The following TARBP1 variants were observed in gnomAD, a reference collection of about 807,000 sequenced individuals.
TARBP1 encodes the protein tRNA guanosine 2 -O-methyltransferase TARBP1.
In TARBP1, 144 loss-of-function variants were observed where a neutral mutation model predicts 178.6. The observed-to-expected ratio is 0.81, with a 90% confidence interval of 0.70 to 0.93. TARBP1 has a LOEUF of 0.93. Ranked by LOEUF, TARBP1 falls within the 40% of genes least tolerant of loss-of-function variation. The pLI is 0.00. For synonymous variants in TARBP1, 787 were observed against 781.0 expected (o/e 1.01, Z -0.13); for missense variants, 2,067 against 2,011.7 (o/e 1.03, Z -0.53).
At chr1:234,413,607 T>G (rs1360944043) in intron 22 of TARBP1, among the ~76,000 whole-genome samples, 2 of 152,154 alleles carry the variant, frequency 1.3e-5, no homozygotes, top group Non-Finnish European at 2.9e-5. Context: ...GAAAGAGGCC[T>G]AAGATCACGC....
chr1:234,423,745 T>A (rs1055684162), intron 20 of TARBP1, among the ~76,000 whole-genome samples: 1 of 146,922 alleles, frequency 6.8e-6, no homozygotes, highest in African/African-American at 2.5e-5. Context: ...CTCTTTTTTC[T>A]GAATTTTTTT....
intron 26 of TARBP1, among the ~76,000 whole-genome samples, chr1:234,395,615 A>C (rs187391848): frequency 6.6e-6 from 1 of 152,360 alleles, no homozygotes; most frequent in East Asian, 1.9e-4. Context: ...CAAGAGCTTA[A>C]GGAATATCCC....
At chr1:234,466,843 A>G (rs1407433499) in intron 4 of TARBP1, among the ~76,000 whole-genome samples, 1 of 152,170 alleles carries the variant, frequency 6.6e-6, no homozygotes, top group East Asian at 1.9e-4. Flanking sequence ...AGCCTGGGTG[A>G]CAGGCATGAG....
At chr1:234,462,826 C>T (rs1341741405) in intron 6 of TARBP1, among the ~76,000 whole-genome samples, 1 of 152,116 alleles carries the variant, frequency 6.6e-6, no homozygotes, top group Non-Finnish European at 1.5e-5. Context: ...CCATATTTTC[C>T]CTTTTTTCTG....
At chr1:234,401,135 G>A (rs1260658745) in intron 25 of TARBP1, 46 bp downstream of exon 25, 2 of 1,493,426 alleles carry the variant, frequency 1.3e-6, no homozygotes, top group Admixed American at 1.7e-5. Context: ...GAAGCATCAG[G>A]ATTAAAGATA....
At chr1:234,427,797 T>A in intron 17 of TARBP1, 31 bp from the exon 18 acceptor site, 2 of 1,380,798 alleles carry the variant, frequency 1.4e-6, no homozygotes, top group Non-Finnish European at 1.9e-6. Flanking sequence ...CATTTTATCC[T>A]TGATTTAGTT....
Position 234,429,123 on chromosome 1 carries a change from G to C in TARBP1, c.3060+13C>G. On this transcript the variant is annotated intron_variant, in intron 17 of 29. Transcript: ENST00000040877. The stretch of plus-strand genomic sequence containing the variant: ...CATGAAAAGAAAAGCAAAAAGAAAA[G>C]AAAGTTAGTTACCTCTTTTATTTTG... The C allele has an allele frequency of 6.5e-7, 1 of 1,548,502 alleles. No individual in the cohort carries two copies. Among genetic ancestry groups the C allele is most frequent in the Non-Finnish European group, 8.6e-7 (1 of 1,156,376 alleles).
chr1:234,463,413 T>C (rs561252032), intron 6 of TARBP1, among the ~76,000 whole-genome samples: 125 of 152,314 alleles, frequency 8.2e-4, no homozygotes, highest in Non-Finnish European at 1.7e-3. Flanking sequence ...CGGGAGCCAT[T>C]GCACCTGGCT....
At chr1:234,469,270 T>C (rs966142556) in intron 3 of TARBP1, among the ~76,000 whole-genome samples, 14 of 151,938 alleles carry the variant, frequency 9.2e-5, no homozygotes, top group Non-Finnish European at 2.1e-4. Flanking sequence ...AGAAAAATAC[T>C]CAGCATTTTT....
intron 12 of TARBP1, among the ~76,000 whole-genome samples, chr1:234,442,306 G>A (rs1023257006): frequency 3.3e-5 from 5 of 152,110 alleles, no homozygotes; most frequent in African/African-American, 9.7e-5. Context: ...AAGATAAGCT[G>A]CAGACAAAAA....
At chr1:234,461,797 G>C (rs1241445067) in intron 6 of TARBP1, among the ~76,000 whole-genome samples, 1 of 152,104 alleles carries the variant, frequency 6.6e-6, no homozygotes, top group Non-Finnish European at 1.5e-5. Flanking sequence ...AGATACAAAG[G>C]GATAGTGCTT....
At chr1:234,428,844 C>T (rs1664073814) in intron 17 of TARBP1, among the ~76,000 whole-genome samples, 1 of 152,112 alleles carries the variant, frequency 6.6e-6, no homozygotes, top group Admixed American at 6.5e-5. Context: ...CCCCGCCTGG[C>T]CAGATTTCCC....
At chr1:234,410,116 G>A (rs1661647353) in intron 23 of TARBP1, among the ~76,000 whole-genome samples, 1 of 152,092 alleles carries the variant, frequency 6.6e-6, no homozygotes, top group Non-Finnish European at 1.5e-5. Flanking sequence ...AGAAGGTAAG[G>A]GAAGTCCTGT....
chr1:234,469,191 A>G (rs753118716), intron 3 of TARBP1, among the ~76,000 whole-genome samples: 41 of 151,362 alleles, frequency 2.7e-4, no homozygotes, highest in Non-Finnish European at 4.4e-4. Context: ...GCAAATCAAA[A>G]CCATGGAATA....
At chr1:234,460,232 C>T in intron 7 of TARBP1, 29 bp downstream of exon 7, 1 of 1,577,384 alleles carries the variant, frequency 6.3e-7, no homozygotes, top group Non-Finnish European at 8.6e-7. Context: ...GGCAAATAAC[C>T]ATACAAGTAC....
intron 11 of TARBP1, among the ~76,000 whole-genome samples, chr1:234,447,549 C>G (rs572953340): frequency 1.3e-5 from 2 of 151,884 alleles, no homozygotes; most frequent in Non-Finnish European, 2.9e-5. Flanking sequence ...TGTGAGCCAC[C>G]ATGTGCAGGT....
At chr1:234,436,836 C>T (rs890352724) in intron 13 of TARBP1, among the ~76,000 whole-genome samples, 2 of 152,184 alleles carry the variant, frequency 1.3e-5, no homozygotes, top group African/African-American at 4.8e-5. Context: ...GAGAAGACAG[C>T]TACAGTCACA....
At chr1:234,475,502 G>A (rs1376802857) in intron 1 of TARBP1, among the ~76,000 whole-genome samples, 1 of 152,216 alleles carries the variant, frequency 6.6e-6, no homozygotes, top group African/African-American at 2.4e-5. Flanking sequence ...TGCTGGAGGA[G>A]GGCAGGACGC....
chr1:234,431,213 AAATC>A (rs1296813601), intron 14 of TARBP1, among the ~76,000 whole-genome samples: 2 of 152,196 alleles, frequency 1.3e-5, no homozygotes, highest in Non-Finnish European at 2.9e-5. Context: ...CTCCAAAAAT[AAATC>A]AACCATCTCT....
Sources: gnomAD v4.1 joint callset for allele counts (sites outside exome capture counted in the v4.1 genomes callset) on GRCh38, gnomAD v4.1.1 for gene constraint, MANE v1.5 for transcripts, NCBI Gene and HGNC (gene_info 2026-07-23, HGNC 2026-07-21) for gene names.